The following PDE3B variants were observed in gnomAD, a reference collection of about 807,000 sequenced individuals.
PDE3B encodes the protein phosphodiesterase 3B.
Under a neutral mutation model 116.8 loss-of-function variants are expected in PDE3B, and 66 were observed. The observed-to-expected ratio is 0.56, with a 90% CI of 0.46 to 0.69. The LOEUF (loss-of-function observed/expected upper bound fraction) is 0.69, where lower values mean the gene tolerates loss of function less well. Ranked by LOEUF, PDE3B falls within the 30% of genes least tolerant of loss-of-function variation. The pLI is 0.00. For missense variants in PDE3B, 1,384 were observed against 1,368.1 expected (o/e 1.01, Z -0.18); for synonymous variants, 595 against 533.6 (o/e 1.12, Z -1.59).
chr11:14,826,542 A>AG (rs2133957917), intron 7 of PDE3B, among the ~76,000 whole-genome samples: 1 of 152,264 alleles, frequency 6.6e-6, no homozygotes, highest in East Asian at 1.9e-4. Context: ...TCCTGTACAC[A>AG]TAACCCCTCC....
rs899455463 is a variant in PDE3B at position 14,852,694 on chromosome 11, C to G, written c.2521-6349C>G. Among the ~76,000 whole-genome samples, 4 of 152,166 alleles carry G rather than the reference C, an allele frequency of 2.6e-5. No individual in the cohort carries two copies. The South Asian group carries it at 8.3e-4, about 32-fold the overall frequency. On this transcript the variant is annotated intron_variant, in intron 12 of 15. Coordinates refer to ENST00000282096, the MANE Select transcript of PDE3B (RefSeq NM_000922.4). ...CTTACCTAGTCTCCTTGCTTGTTGT[C>G]TGCTCTCCTTCAGTCTGTTCTCAAC...
chr11:14,767,996 T>C (rs902840432), intron 1 of PDE3B, among the ~76,000 whole-genome samples: 7 of 151,422 alleles, frequency 4.6e-5, no homozygotes, highest in African/African-American at 1.7e-4. Context: ...TTTCTCACTT[T>C]ATTCTGTCAT....
intron 12 of PDE3B, among the ~76,000 whole-genome samples, chr11:14,853,318 G>T (rs1307878863): frequency 6.6e-6 from 1 of 152,092 alleles, no homozygotes; most frequent in African/African-American, 2.4e-5. Context: ...TTCCACAAGG[G>T]CAGGGATTTT....
In PDE3B at chr11:14,871,774, G is replaced by A. The variant is rs1216797123; in HGVS notation, c.*2114G>A. 1.3e-5 allele frequency: 2 copies of A among 151,994 alleles called. No individual in the cohort carries two copies. Among genetic ancestry groups the A allele is most frequent in the Non-Finnish European group, 2.9e-5 (2 of 67,978 alleles). 9.4% of individuals were successfully genotyped at this position (151,994 alleles called of 1,614,324 possible). A position where few individuals can be genotyped will look rare whatever the true frequency, so the allele number is the denominator to read the frequency against. ...AGAAACCCAAAAAAGTATCTCTCCCGAGCTGAAACTTAAAAATTCGTAAGT... is the reference window on the plus strand; with the variant it reads ...AGAAACCCAAAAAAGTATCTCTCCCAAGCTGAAACTTAAAAATTCGTAAGT... On this transcript the variant is annotated 3_prime_UTR_variant, in exon 16 of 16. Transcript: ENST00000282096.
intron 1 of PDE3B, among the ~76,000 whole-genome samples, chr11:14,681,261 C>A (rs1257537443): frequency 6.6e-6 from 1 of 152,120 alleles, no homozygotes. Flanking sequence ...ATGTATATTG[C>A]TTTTGTACCA....
At chr11:14,646,961 G>A (rs1853426850) in intron 1 of PDE3B, among the ~76,000 whole-genome samples, 2 of 151,966 alleles carry the variant, frequency 1.3e-5, no homozygotes, top group Admixed American at 1.3e-4. Flanking sequence ...GTTTATACAT[G>A]CCTACCTAAT....
At chr11:14,856,145 T>C (rs1565167106) in intron 12 of PDE3B, among the ~76,000 whole-genome samples, 2 of 152,174 alleles carry the variant, frequency 1.3e-5, no homozygotes, top group Admixed American at 1.3e-4. Flanking sequence ...GATCTGATGG[T>C]TTAAAAGTGG....
At chr11:14,785,799 T>G (rs929816437) in intron 2 of PDE3B, among the ~76,000 whole-genome samples, 1 of 152,052 alleles carries the variant, frequency 6.6e-6, no homozygotes, top group African/African-American at 2.4e-5. Context: ...AAGTTATCGC[T>G]ATCTCTTTTG....
chr11:14,785,831 ATTT>A (rs943937658), intron 2 of PDE3B, among the ~76,000 whole-genome samples: 1 of 151,762 alleles, frequency 6.6e-6, no homozygotes, highest in Non-Finnish European at 1.5e-5. Context: ...ATTTTTCTTT[ATTT>A]TTATCTCATC....
At chr11:14,783,376 T>C (rs1858089010) in intron 2 of PDE3B, among the ~76,000 whole-genome samples, 5 of 152,200 alleles carry the variant, frequency 3.3e-5, no homozygotes, top group Admixed American at 3.3e-4. Flanking sequence ...CCATCAGTGA[T>C]AGACTGGATT....
At chr11:14,700,380 G>T (rs1437591596) in intron 1 of PDE3B, among the ~76,000 whole-genome samples, 1 of 150,902 alleles carries the variant, frequency 6.6e-6, no homozygotes, top group Non-Finnish European at 1.5e-5. Flanking sequence ...TAGAAAAAGA[G>T]GAAGTTGATT....
intron 1 of PDE3B, among the ~76,000 whole-genome samples, chr11:14,662,481 A>G (rs1224627041): frequency 1.3e-5 from 2 of 152,078 alleles, no homozygotes; most frequent in African/African-American, 4.8e-5. Context: ...GAGTTGAGAG[A>G]AGAAGGCTTC....
At chr11:14,812,953 T>C (rs1859196727) in intron 5 of PDE3B, among the ~76,000 whole-genome samples, 1 of 152,066 alleles carries the variant, frequency 6.6e-6, no homozygotes, top group Non-Finnish European at 1.5e-5. Flanking sequence ...GAGTGCCTTA[T>C]AAAAGAGACC....
chr11:14,781,797 G>A (rs555293744), intron 2 of PDE3B, among the ~76,000 whole-genome samples: 1 of 152,150 alleles, frequency 6.6e-6, no homozygotes, highest in Non-Finnish European at 1.5e-5. Context: ...ACATAGTGTT[G>A]GAAGTTCTGG....
intron 1 of PDE3B, among the ~76,000 whole-genome samples, chr11:14,748,236 A>G (rs1856965681): frequency 6.6e-6 from 1 of 152,170 alleles, no homozygotes; most frequent in African/African-American, 2.4e-5. Flanking sequence ...CCTATTTGTG[A>G]TGGGTAGCCG....
intron 12 of PDE3B, among the ~76,000 whole-genome samples, chr11:14,845,620 T>C (rs1847581882): frequency 6.6e-6 from 1 of 152,094 alleles, no homozygotes; most frequent in Non-Finnish European, 1.5e-5. Flanking sequence ...ATAACTAGAA[T>C]AACCAATACA....
chr11:14,658,173 T>G (rs1359119620), intron 1 of PDE3B, among the ~76,000 whole-genome samples: 1 of 152,096 alleles, frequency 6.6e-6, no homozygotes, highest in Non-Finnish European at 1.5e-5. Context: ...TAAGTCACTA[T>G]CCTCCTTCTA....
intron 1 of PDE3B, among the ~76,000 whole-genome samples, chr11:14,688,970 G>T (rs1361799846): frequency 6.6e-6 from 1 of 151,936 alleles, no homozygotes; most frequent in African/African-American, 2.4e-5. Context: ...GTGAAGTTTC[G>T]CCATGCTGGC....
At chr11:14,653,555 A>G (rs1016840350) in intron 1 of PDE3B, among the ~76,000 whole-genome samples, 2 of 151,778 alleles carry the variant, frequency 1.3e-5, no homozygotes, top group African/African-American at 4.8e-5. Context: ...ACAGAGCAAG[A>G]CTCCGTCTCA....
Sources: gnomAD v4.1 joint callset for allele counts (sites outside exome capture counted in the v4.1 genomes callset) on GRCh38, gnomAD v4.1.1 for gene constraint, MANE v1.5 for transcripts, NCBI Gene and HGNC (gene_info 2026-07-23, HGNC 2026-07-21) for gene names.